The following GRIN2B variants were observed in gnomAD, a reference collection of about 807,000 sequenced individuals.
GRIN2B encodes the protein glutamate receptor ionotropic, NMDA 2B.
GRIN2B carries 5 observed loss-of-function variants against 114.5 expected under a neutral mutation model. The observed-to-expected ratio is 0.04, with a 90% CI of 0.02 to 0.09. GRIN2B has a LOEUF of 0.09. GRIN2B is among the 10% of genes least tolerant of loss of function. GRIN2B has a pLI of 1.00. For synonymous variants in GRIN2B, 787 were observed against 745.1 expected (o/e 1.06, Z -0.92); for missense variants, 1,108 against 1,943.5 (o/e 0.57, Z 8.08).
intron 2 of GRIN2B, among the ~76,000 whole-genome samples, chr12:13,894,514 T>C (rs888898072): frequency 6.6e-6 from 1 of 152,120 alleles, no homozygotes; most frequent in African/African-American, 2.4e-5. Flanking sequence ...TTAAAATGCA[T>C]AGAAAAATGC....
chr12:13,562,965 C>T lies in GRIN2B; in HGVS notation c.4273G>A (p.Val1425Ile). The stretch of plus-strand genomic sequence containing the variant: ...GCCGAGACCACCGGCTTGTTGGTGA[C>T]AAGGGCCCGGAAGTCCGGCCTGGCT... ...SKARPDFRAL[V>I]TNKPVVSALH... is the part of the protein sequence containing the mutation. Residue 1425 changes from valine to isoleucine, a missense_variant, in exon 14 of 14, where the codon GTC (valine) becomes ATC (isoleucine). Physicochemically the swap from Val to Ile is conservative, Grantham distance 29. Transcript: ENST00000609686. 6.2e-7 allele frequency: 1 copy of T among 1,614,138 alleles called. No homozygotes were observed. The highest frequency in any genetic ancestry group is 8.5e-7 in the Non-Finnish European group (1 of 1,179,986).
Position 13,606,170 on chromosome 12 carries a change from T to C in GRIN2B, c.2010+2433A>G, listed in dbSNP as rs530252875. The stretch of plus-strand genomic sequence containing the variant: ...TCCATGTTTTAGGGTGGTGCGTTAG[T>C]GCATTTTATGTTGCTATAGAGGAAT... On this transcript the variant is annotated intron_variant, in intron 10 of 13. Transcript: ENST00000609686. Among the ~76,000 whole-genome samples, 39 of 152,336 alleles carry C rather than the reference T, an allele frequency of 2.6e-4. 1 individual carries two copies. Among genetic ancestry groups the C allele is most frequent in the African/African-American group, 9.1e-4 (38 of 41,586 alleles).
At chr12:13,846,632 T>C (rs544452877) in intron 3 of GRIN2B, among the ~76,000 whole-genome samples, 213 of 152,326 alleles carry the variant, frequency 1.4e-3, no homozygotes, top group African/African-American at 5.0e-3. Context: ...TCTGTAATTA[T>C]TCTCCCATGC....
chr12:13,921,034 G>T (rs1457630344), intron 2 of GRIN2B, among the ~76,000 whole-genome samples: 1 of 152,110 alleles, frequency 6.6e-6, no homozygotes, highest in Non-Finnish European at 1.5e-5. Context: ...TCAATAGTAG[G>T]TAATTTTGGA....
intron 11 of GRIN2B, among the ~76,000 whole-genome samples, chr12:13,571,167 C>A (rs572574907): frequency 1.1e-4 from 16 of 152,294 alleles, no homozygotes; most frequent in African/African-American, 3.4e-4. Context: ...CTACGAGACC[C>A]CTTGACCTCC....
rs567188478 is a variant in GRIN2B at position 13,771,250 on chromosome 12, G to T, written c.412-17335C>A. Among the ~76,000 whole-genome samples the T allele has an allele frequency of 7.9e-5, 12 of 152,274 alleles. No individual in the cohort carries two copies. In the South Asian group the frequency reaches 2.5e-3, roughly 32 times the overall value. On this transcript the variant is annotated intron_variant, in intron 3 of 13. Coordinates refer to ENST00000609686, the MANE Select transcript of GRIN2B (RefSeq NM_000834.5). ...TTCCCCTTCACCTTCTGCCATGATT[G>T]TGAGGCCTCCCCAGCCATGTGAAAC... is the stretch of plus-strand genomic sequence containing the variant.
chr12:13,611,662 T>A, intron 9 of GRIN2B, 63 bp downstream of exon 9: 1 of 1,511,586 alleles, frequency 6.6e-7, no homozygotes, highest in Non-Finnish European at 9.2e-7. Context: ...AAATGAGGAG[T>A]CCAGAGATTT....
At chr12:13,779,785 C>A (rs1305976498) in intron 3 of GRIN2B, among the ~76,000 whole-genome samples, 1 of 152,152 alleles carries the variant, frequency 6.6e-6, no homozygotes, top group Non-Finnish European at 1.5e-5. Flanking sequence ...ACTGATAGCT[C>A]CACCACTTCT....
At chr12:13,598,758 G>C (rs1949109328) in intron 10 of GRIN2B, among the ~76,000 whole-genome samples, 1 of 152,134 alleles carries the variant, frequency 6.6e-6, no homozygotes, top group African/African-American at 2.4e-5. Flanking sequence ...CAGCTGGTTG[G>C]AGAGAGTCCT....
Position 13,564,735 on chromosome 12 carries a change from G to A in GRIN2B, c.2599-96C>T. On this transcript the variant is annotated intron_variant, in intron 13 of 13. Transcript: ENST00000609686. This position sits in a 1 kb window ranked among gnomAD's most constrained non-coding sequence, Gnocchi z 4.8. ...ACCAATAATTGCTCCAACTGGATAA[G>A]AAAAAGGGAAAGCATGAAGCGAATA... 2 of 1,087,378 alleles carry A rather than the reference G, an allele frequency of 1.8e-6. No individual in the cohort carries two copies. The highest frequency in any genetic ancestry group is 2.8e-6 in the Non-Finnish European group (2 of 710,588). The allele number at this position is 1,087,378 out of a possible 1,614,324, so 67.4% of individuals were successfully genotyped here.
intron 4 of GRIN2B, among the ~76,000 whole-genome samples, chr12:13,681,074 A>G (rs1014568654): frequency 6.6e-5 from 10 of 152,244 alleles, no homozygotes; most frequent in Admixed American, 2.6e-4. Context: ...TGATACCCAC[A>G]GCAATGATTT....
intron 2 of GRIN2B, among the ~76,000 whole-genome samples, chr12:13,936,367 T>A (rs1303695482): frequency 6.6e-6 from 1 of 152,122 alleles, no homozygotes; most frequent in Non-Finnish European, 1.5e-5. Flanking sequence ...AGGAGTAAGA[T>A]CTGTACCCCA....
chr12:13,873,015 G>A (rs905877783), intron 2 of GRIN2B, among the ~76,000 whole-genome samples: 1 of 152,052 alleles, frequency 6.6e-6, no homozygotes, highest in Non-Finnish European at 1.5e-5. Flanking sequence ...GTATAAGAAA[G>A]GATAAAAGTA....
chr12:13,927,371 T>C (rs923356646), intron 2 of GRIN2B, among the ~76,000 whole-genome samples: 1 of 152,146 alleles, frequency 6.6e-6, no homozygotes, highest in Non-Finnish European at 1.5e-5. Context: ...AGAAATGTTT[T>C]TTTCTGTAAA....
At chr12:13,867,117 T>C (rs1414319649) in intron 2 of GRIN2B, among the ~76,000 whole-genome samples, 1 of 152,222 alleles carries the variant, frequency 6.6e-6, no homozygotes, top group African/African-American at 2.4e-5. Context: ...ATACAGAAAC[T>C]TAAACAAATA....
In GRIN2B at chr12:13,561,658, A is replaced by G. The variant is rs1407927555; in HGVS notation, c.*1125T>C. ...GTCTAAATGCTCAAAAGAGCTTTGT[A>G]GAATCTTTTGCTCCCAAGTGTGGGC... On this transcript the variant is annotated 3_prime_UTR_variant, in exon 14 of 14. Transcript: ENST00000609686. 1 of 152,640 alleles carries G rather than the reference A, an allele frequency of 6.6e-6. No individual in the cohort carries two copies. Among genetic ancestry groups the G allele is most frequent in the Non-Finnish European group, 1.5e-5 (1 of 68,032 alleles). 9.5% of individuals were successfully genotyped at this position (152,640 alleles called of 1,614,324 possible).
At position 13,696,440 on chromosome 12, in the gene GRIN2B, A is replaced by C. The variant is rs367823999; in HGVS notation, c.1011-20581T>G. Among the ~76,000 whole-genome samples, 5 of 152,120 alleles carry C rather than the reference A, an allele frequency of 3.3e-5. No individual in the cohort carries two copies. The East Asian group carries it at 9.6e-4, about 29-fold the overall frequency. On this transcript the variant is annotated intron_variant, in intron 4 of 13. Coordinates refer to ENST00000609686, the MANE Select transcript of GRIN2B (RefSeq NM_000834.5). ...GGGATATAAGATGATTGCTTCAGTAATTATTCCAAAGTCCACACCCTGATG... is the reference window on the plus strand; with the variant it reads ...GGGATATAAGATGATTGCTTCAGTACTTATTCCAAAGTCCACACCCTGATG...
intron 3 of GRIN2B, among the ~76,000 whole-genome samples, chr12:13,805,731 T>C (rs1161538057): frequency 6.6e-6 from 1 of 152,216 alleles, no homozygotes; most frequent in Admixed American, 6.5e-5. Flanking sequence ...CTTATCATTT[T>C]TCTGTGTGGT....
intron 3 of GRIN2B, among the ~76,000 whole-genome samples, chr12:13,858,852 A>G (rs748727937): frequency 1.6e-4 from 24 of 152,218 alleles, no homozygotes; most frequent in Non-Finnish European, 5.9e-5. Flanking sequence ...GATCAAGTCA[A>G]TATCAGTAAT....
Sources: gnomAD v4.1 joint callset for allele counts (sites outside exome capture counted in the v4.1 genomes callset) on GRCh38, gnomAD v4.1.1 for gene constraint, Gnocchi (gnomAD v3.1) non-coding constraint, MANE v1.5 for transcripts, NCBI Gene and HGNC (gene_info 2026-07-23, HGNC 2026-07-21) for gene names.